ARHGEF10L: variants seen among roughly 807,000 people sequenced by gnomAD.
ARHGEF10L encodes rho guanine nucleotide exchange factor 10-like protein.
In ARHGEF10L, 69 loss-of-function variants were observed where a neutral mutation model predicts 141.2. The ratio of observed to expected loss-of-function variants is 0.49; its 90% confidence interval spans 0.40 to 0.60. The LOEUF is 0.60. ARHGEF10L is among the 20% of genes least tolerant of loss of function. The pLI, the probability that ARHGEF10L is intolerant of heterozygous loss-of-function variation, is 0.00. For missense variants in ARHGEF10L, 1,482 were observed against 1,734.3 expected (o/e 0.85, Z 2.58); for synonymous variants, 711 against 718.5 (o/e 0.99, Z 0.17).
intron 21 of ARHGEF10L, among the ~76,000 whole-genome samples, chr1:17,647,911 C>T (rs886890283): frequency 2.0e-5 from 3 of 151,910 alleles, no homozygotes; most frequent in Admixed American, 6.6e-5. Context: ...GGTCTGGGGT[C>T]GGGTTAGGCA....
rs1326848384 is a variant in ARHGEF10L, at chr1:17,664,439, C to T, written c.2861-8C>T. 1 of 1,601,026 alleles carries T rather than the reference C, an allele frequency of 6.2e-7. No individual in the cohort carries two copies. Among genetic ancestry groups the T allele is most frequent in the Non-Finnish European group, 8.5e-7 (1 of 1,179,296 alleles). ...GGCCCCTGACCTGCCTCCCCTCTCT[C>T]CCTGCAGGAGGTGTCCTGTGGGACC... On this transcript the variant is annotated splice_polypyrimidine_tract_variant and splice_region_variant and intron_variant, in intron 25 of 28. Transcript: ENST00000361221.
At chr1:17,602,277 T>G (rs2100941879) in intron 5 of ARHGEF10L, 59 bp downstream of exon 5, 1 of 1,526,748 alleles carries the variant, frequency 6.5e-7, no homozygotes, top group South Asian at 1.2e-5. Context: ...GATATTCTAG[T>G]CTTTCTAACC....
chr1:17,584,294 C>T (rs2078841941), intron 2 of ARHGEF10L, among the ~76,000 whole-genome samples: 2 of 152,138 alleles, frequency 1.3e-5, no homozygotes, highest in South Asian at 4.1e-4. Context: ...ATCCTCCTGC[C>T]CCAGGCTCCC....
intron 13 of ARHGEF10L, among the ~76,000 whole-genome samples, chr1:17,624,814 C>T (rs1478123602): frequency 6.6e-6 from 1 of 152,088 alleles, no homozygotes; most frequent in East Asian, 1.9e-4. Flanking sequence ...CCTGGCTGGC[C>T]CTGTGGTGGG....
At position 17,641,855 on chromosome 1, in the gene ARHGEF10L, T is replaced by A. The variant is rs1571190777; in HGVS notation, c.2272+1553T>A. Reference sequence around the variant, plus strand: ...AATTAGCCAGACATGGTGGCGCATGTCTGTAGTCCCAGCTACTCGAGAGGT... The same window carrying A: ...AATTAGCCAGACATGGTGGCGCATGACTGTAGTCCCAGCTACTCGAGAGGT... On this transcript the variant is annotated intron_variant, in intron 21 of 28. Transcript: ENST00000361221. 3.3e-5 allele frequency among the ~76,000 whole-genome samples: 5 copies of A among 149,430 alleles called. No homozygotes were observed. The East Asian group carries it at 1.0e-3, about 30-fold the overall frequency.
At position 17,656,530 on chromosome 1, in the gene ARHGEF10L, C is replaced by T. The variant is rs765771808; in HGVS notation, c.2706-24C>T. 9 of 1,599,560 alleles carry T rather than the reference C, an allele frequency of 5.6e-6. No homozygotes were observed. Among genetic ancestry groups the T allele is most frequent in the East Asian group, 2.2e-5 (1 of 44,498 alleles). ...GTGGGAGTGCTCAGTGTGTCATGAC[C>T]GCTTCTCCAACCTCTCCCCGCAGCA... On this transcript the variant is annotated intron_variant, in intron 24 of 28. Coordinates refer to ENST00000361221, the MANE Select transcript of ARHGEF10L (RefSeq NM_018125.4). The surrounding 1 kb of genome is among the most constrained non-coding windows in gnomAD (Gnocchi z 4.9).
chr1:17,544,762 C>T (rs2076857312), intron 1 of ARHGEF10L, among the ~76,000 whole-genome samples: 1 of 151,884 alleles, frequency 6.6e-6, no homozygotes, highest in South Asian at 2.1e-4. Flanking sequence ...GAAGAAATAC[C>T]TGAGACTAGG....
chr1:17,587,724 G>T, intron 3 of ARHGEF10L, 79 bp downstream of exon 3: 1 of 1,446,076 alleles, frequency 6.9e-7, no homozygotes, highest in Non-Finnish European at 9.3e-7. Context: ...GGCTCTCAGG[G>T]ATGCCTGGTG....
At position 17,697,223 on chromosome 1, in the gene ARHGEF10L, G is replaced by A. The variant is rs567676267; in HGVS notation, c.3683G>A (p.Arg1228His). 37 of 1,612,222 alleles carry A rather than the reference G, an allele frequency of 2.3e-5. 1 individual carries two copies. The East Asian group carries it at 6.2e-4, about 27-fold the overall frequency. ...DIWVRSRPCA[R>H]DAHRKEICSV... ...TGGGTGCGCAGCCGGCCCTGCGCCC[G>A]CGACGCCCACCGCAAGGAGATTTGC... The change falls in exon 29 of 29, where the codon CGC (arginine) becomes CAC (histidine). Residue 1228 changes from arginine (R) to histidine (H), a missense_variant. Arg to His is a conservative substitution (Grantham distance 29, BLOSUM62 0). Transcript: ENST00000361221. The surrounding 1 kb of genome is among the most constrained non-coding windows in gnomAD (Gnocchi z 4.8).
At chr1:17,612,814 T>G (rs1335523338) in intron 7 of ARHGEF10L, among the ~76,000 whole-genome samples, 1 of 152,230 alleles carries the variant, frequency 6.6e-6, no homozygotes, top group African/African-American at 2.4e-5. Flanking sequence ...CCAGATTCCC[T>G]GCTGCAGAGA....
chr1:17,613,363 C>T (rs1231215164), intron 8 of ARHGEF10L, among the ~76,000 whole-genome samples, 189 bp downstream of exon 8: 1 of 152,218 alleles, frequency 6.6e-6, no homozygotes. Flanking sequence ...CCTTAAGCCA[C>T]ATGTTCCCTT....
chr1:17,546,529 G>A (rs1298000546), intron 1 of ARHGEF10L, among the ~76,000 whole-genome samples: 1 of 152,154 alleles, frequency 6.6e-6, no homozygotes, highest in Non-Finnish European at 1.5e-5. Context: ...AGGGCACTGT[G>A]TTTGTAAGTG....
At chr1:17,675,163 A>T (rs912075605) in intron 26 of ARHGEF10L, among the ~76,000 whole-genome samples, 1 of 152,160 alleles carries the variant, frequency 6.6e-6, no homozygotes, top group Non-Finnish European at 1.5e-5. Context: ...TGTTGGTCGC[A>T]TCAATTCTGA....
chr1:17,559,743 G>A (rs942453795), intron 1 of ARHGEF10L, among the ~76,000 whole-genome samples: 5 of 152,164 alleles, frequency 3.3e-5, no homozygotes, highest in African/African-American at 1.2e-4. Flanking sequence ...ATGTGACTGG[G>A]GCCCAGGGTC....
chr1:17,537,391 G>C (rs1349748596), upstream of ARHGEF10L, among the ~76,000 whole-genome samples: 1 of 152,238 alleles, frequency 6.6e-6, no homozygotes, highest in East Asian at 1.9e-4. Flanking sequence ...ATCCTCTAAA[G>C]AGTGTGCCCC....
intron 1 of ARHGEF10L, among the ~76,000 whole-genome samples, chr1:17,540,212 C>G (rs1057360046): frequency 4.6e-5 from 7 of 152,048 alleles, no homozygotes; most frequent in Admixed American, 1.3e-4. Context: ...TGTGCTTCAG[C>G]TTGTGTGTGT....
At chr1:17,601,193 T>C (rs2080650006) in intron 4 of ARHGEF10L, among the ~76,000 whole-genome samples, 2 of 152,200 alleles carry the variant, frequency 1.3e-5, no homozygotes, top group Non-Finnish European at 2.9e-5. Flanking sequence ...GGTTATGCGT[T>C]TTGGATAAAA....
rs747936327 is a variant in ARHGEF10L at position 17,616,209 on chromosome 1, C to T, written c.835+7C>T. On this transcript the variant is annotated splice_region_variant and intron_variant, in intron 9 of 28. Transcript: ENST00000361221. ...CACAGGAAGGACGTCCTCGGTGAGG[C>T]GCTGCCCGAGCGGGAGGGTCTGGTG... 1.1e-5 allele frequency: 18 copies of T among 1,587,046 alleles called. No individual in the cohort carries two copies. Among genetic ancestry groups the T allele is most frequent in the East Asian group, 9.2e-5 (4 of 43,248 alleles).
chr1:17,634,707 G>A (rs2060897765), intron 17 of ARHGEF10L, 128 bp from the exon 18 acceptor site: 1 of 1,456,602 alleles, frequency 6.9e-7, no homozygotes, highest in Non-Finnish European at 9.2e-7. Context: ...GCTTGGTTTT[G>A]GTCTGAGGTC....
Sources: allele counts gnomAD v4.1 joint callset (sites outside exome capture counted in the v4.1 genomes callset), GRCh38; gene constraint gnomAD v4.1.1; non-coding constraint Gnocchi (gnomAD v3.1); transcripts MANE v1.5; gene names NCBI Gene and HGNC (gene_info 2026-07-23, HGNC 2026-07-21).